The following ARB2A variants were observed in gnomAD, a reference collection of about 807,000 sequenced individuals.
The protein encoded by ARB2A is cotranscriptional regulator ARB2A.
chr5:93,723,974 T>A, the ARB2A span, among the ~76,000 whole-genome samples: 1 of 151,858 alleles, frequency 6.6e-6, no homozygotes, highest in Non-Finnish European at 1.5e-5. Flanking sequence ...AGAGCAAGAG[T>A]CATAACTGAA....
chr5:94,009,746 T>C, the ARB2A span, among the ~76,000 whole-genome samples: 5 of 152,022 alleles, frequency 3.3e-5, no homozygotes, highest in Admixed American at 2.6e-4. Context: ...TATAGCATTA[T>C]TTGAGTGAGA....
At chr5:93,644,931 TATG>T in the ARB2A span, among the ~76,000 whole-genome samples, 1 of 152,242 alleles carries the variant, frequency 6.6e-6, no homozygotes, top group Non-Finnish European at 1.5e-5. Flanking sequence ...TTGAGTGTGA[TATG>T]ATGAGTATTT....
chr5:93,761,537 G>A, the ARB2A span, among the ~76,000 whole-genome samples: 2 of 152,198 alleles, frequency 1.3e-5, no homozygotes, highest in Non-Finnish European at 2.9e-5. Flanking sequence ...CCAGGCTTGA[G>A]TAGGTAAACA....
chr5:94,032,466 C>T, the ARB2A span, among the ~76,000 whole-genome samples: 2 of 152,170 alleles, frequency 1.3e-5, no homozygotes, highest in African/African-American at 4.8e-5. Context: ...TGGTGCTAAA[C>T]CATTCAGGAG....
At chr5:93,796,120 G>C in the ARB2A span, among the ~76,000 whole-genome samples, 60 of 152,338 alleles carry the variant, frequency 3.9e-4, no homozygotes, top group African/African-American at 1.4e-3. Context: ...AGGTTTCACT[G>C]TAAAAGTAAC....
At chr5:93,836,239 G>A in the ARB2A span, among the ~76,000 whole-genome samples, 2 of 152,116 alleles carry the variant, frequency 1.3e-5, no homozygotes, top group African/African-American at 4.8e-5. Context: ...GTGTTAGCCA[G>A]GATGGTCTCG....
chr5:94,078,150 G>A, the ARB2A span, among the ~76,000 whole-genome samples: 1 of 152,202 alleles, frequency 6.6e-6, no homozygotes, highest in East Asian at 1.9e-4. Flanking sequence ...CTAGATATAC[G>A]TGATTTTGCA....
At chr5:93,619,739 T>A in the ARB2A span, 1 of 152,226 alleles carries the variant, frequency 6.6e-6, no homozygotes, top group South Asian at 2.1e-4. Flanking sequence ...CTCCTGTATT[T>A]CACAGTGTTG....
chr5:93,929,963 T>C, the ARB2A span, among the ~76,000 whole-genome samples: 2 of 152,226 alleles, frequency 1.3e-5, no homozygotes, highest in African/African-American at 4.8e-5. Flanking sequence ...AGCAGGGTTA[T>C]GATGCTTACA....
the ARB2A span, among the ~76,000 whole-genome samples, chr5:93,732,947 A>C: frequency 6.6e-6 from 1 of 151,996 alleles, no homozygotes; most frequent in African/African-American, 2.4e-5. Flanking sequence ...TCTATGTAAT[A>C]TATCTTCTAA....
At chr5:94,094,962 C>T in the ARB2A span, among the ~76,000 whole-genome samples, 1 of 152,302 alleles carries the variant, frequency 6.6e-6, no homozygotes, top group African/African-American at 2.4e-5. Flanking sequence ...ATGGAACTGC[C>T]ATTGTCCTCT....
the ARB2A span, among the ~76,000 whole-genome samples, chr5:93,635,587 G>C: frequency 1.3e-5 from 2 of 151,522 alleles, no homozygotes; most frequent in African/African-American, 4.9e-5. Flanking sequence ...GTACGGGCGT[G>C]TACCACCACA....
At chr5:94,095,582 C>A in the ARB2A span, among the ~76,000 whole-genome samples, 2 of 151,630 alleles carry the variant, frequency 1.3e-5, no homozygotes, top group African/African-American at 4.8e-5. Flanking sequence ...ATAGCTATTT[C>A]TTCTATCTAG....
the ARB2A span, among the ~76,000 whole-genome samples, chr5:93,750,100 G>C: frequency 2.0e-5 from 3 of 152,178 alleles, no homozygotes; most frequent in Non-Finnish European, 1.5e-5. Context: ...AATACATTAG[G>C]TGTTCAATAC....
At chr5:93,711,907 T>C in the ARB2A span, among the ~76,000 whole-genome samples, 1 of 152,336 alleles carries the variant, frequency 6.6e-6, no homozygotes, top group Non-Finnish European at 1.5e-5. Flanking sequence ...AGTCTGAGGT[T>C]GTGGTCTTGC....
the ARB2A span, among the ~76,000 whole-genome samples, chr5:93,911,841 C>T: frequency 2.0e-5 from 3 of 151,642 alleles, no homozygotes; most frequent in South Asian, 2.1e-4. Context: ...TATTGGCTGC[C>T]TTCTAGGGAT....
At chr5:93,815,329 T>C in the ARB2A span, among the ~76,000 whole-genome samples, 172 of 152,290 alleles carry the variant, frequency 1.1e-3, no homozygotes, top group African/African-American at 3.4e-3. Context: ...TAGAAGAGTA[T>C]CACTTTGTTA....
chr5:93,835,733 T>TAC, the ARB2A span, among the ~76,000 whole-genome samples: 3 of 152,192 alleles, frequency 2.0e-5, no homozygotes, highest in African/African-American at 4.8e-5. Flanking sequence ...TATGTGTACA[T>TAC]ACACACACAC....
the ARB2A span, among the ~76,000 whole-genome samples, chr5:93,931,004 G>A: frequency 6.6e-6 from 1 of 152,058 alleles, no homozygotes; most frequent in Non-Finnish European, 1.5e-5. Context: ...CATGCTGACT[G>A]GCCCAGGTGT....
Sources: allele counts gnomAD v4.1 joint callset (sites outside exome capture counted in the v4.1 genomes callset), GRCh38; gene constraint gnomAD v4.1.1; transcripts MANE v1.5; gene names NCBI Gene and HGNC (gene_info 2026-07-23, HGNC 2026-07-21).